The following ERBB4 variants were observed in gnomAD, a reference collection of about 807,000 sequenced individuals.
The protein encoded by ERBB4 is receptor tyrosine-protein kinase erbB-4.
Under a neutral mutation model 158.0 loss-of-function variants are expected in ERBB4, and 42 were observed. The ratio of observed to expected loss-of-function variants is 0.27; its 90% CI spans 0.21 to 0.34. ERBB4 has a LOEUF of 0.34. ERBB4 is among the 10% of genes least tolerant of loss of function. The pLI is 1.00. For missense variants in ERBB4, 1,333 were observed against 1,624.1 expected (o/e 0.82, Z 3.08); for synonymous variants, 583 against 558.7 (o/e 1.04, Z -0.61).
intron 3 of ERBB4, among the ~76,000 whole-genome samples, chr2:211,935,259 A>G (rs1173210982): frequency 6.6e-6 from 1 of 152,166 alleles, no homozygotes; most frequent in Non-Finnish European, 1.5e-5. Context: ...TGGATTAAGA[A>G]ATACCCGGAA....
Position 211,947,518 on chromosome 2 carries a change from A to G in ERBB4, c.333T>C (p.Tyr111=), listed in dbSNP as rs925867362. 1.2e-6 allele frequency: 2 copies of G among 1,613,754 alleles called. No homozygotes were observed. The highest frequency in any genetic ancestry group is 1.3e-5 in the African/African-American group (1 of 74,922). The change falls in exon 3 of 28, where the codon TAT becomes TAC. Residue 111 remains tyrosine (Y), a synonymous_variant. Coordinates refer to ENST00000342788, the MANE Select transcript of ERBB4 (RefSeq NM_005235.3). ...NLRIIRGTKL[Y]EDRYALAIFL... is the part of the protein sequence containing the mutation. The stretch of plus-strand genomic sequence containing the variant: ...ATATTGCCAAGGCATATCGATCCTC[A>G]TAAAGTTTTGTCCCACGAATAATGC...
intron 2 of ERBB4, among the ~76,000 whole-genome samples, chr2:212,104,459 A>T (rs1337075074): frequency 1.3e-5 from 2 of 152,172 alleles, no homozygotes; most frequent in Non-Finnish European, 2.9e-5. Context: ...GAAATTCACC[A>T]TATCTCTTCA....
Position 212,437,834 on chromosome 2 carries a change from C to A in ERBB4, c.82+100615G>T, listed in dbSNP as rs147991823. 2.0e-5 allele frequency among the ~76,000 whole-genome samples: 3 copies of A among 152,138 alleles called. No homozygotes were observed. In the South Asian group the frequency reaches 6.2e-4, roughly 32 times the overall value. On this transcript the variant is annotated intron_variant, in intron 1 of 27. Coordinates refer to ENST00000342788, the MANE Select transcript of ERBB4 (RefSeq NM_005235.3). ...ATGACTTCCTCTAATTAGAATACCT[C>A]ATCTTCCTTTTCATCTATCTTATTT...
chr2:212,239,052 CT>C (rs1178364515), intron 1 of ERBB4, among the ~76,000 whole-genome samples: 2 of 152,062 alleles, frequency 1.3e-5, no homozygotes, highest in Admixed American at 6.6e-5. Context: ...GATTTAATTT[CT>C]TTTTTAAAAT....
chr2:212,405,879 T>A (rs1426359795), intron 1 of ERBB4, among the ~76,000 whole-genome samples: 1 of 152,050 alleles, frequency 6.6e-6, no homozygotes, highest in Non-Finnish European at 1.5e-5. Flanking sequence ...CTGATGTAAA[T>A]CAACAGCACA....
chr2:212,006,817 C>A (rs542509159), intron 2 of ERBB4, among the ~76,000 whole-genome samples: 2 of 152,072 alleles, frequency 1.3e-5, no homozygotes, highest in Admixed American at 1.3e-4. Context: ...AAAAGAATTC[C>A]ATTGTCAATG....
chr2:211,620,038 TG>T (rs905829771), intron 18 of ERBB4, among the ~76,000 whole-genome samples: 29 of 152,156 alleles, frequency 1.9e-4, no homozygotes, highest in African/African-American at 7.0e-4. Flanking sequence ...TGGTAGAGTT[TG>T]AGTGAAATAC....
intron 2 of ERBB4, among the ~76,000 whole-genome samples, chr2:212,076,642 G>C (rs2125456865): frequency 6.6e-6 from 1 of 151,948 alleles, no homozygotes; most frequent in South Asian, 2.1e-4. Flanking sequence ...CTTTGCAAGA[G>C]GTATGCTAGT....
At chr2:211,473,210 G>A (rs751680032) in intron 20 of ERBB4, among the ~76,000 whole-genome samples, 1 of 151,962 alleles carries the variant, frequency 6.6e-6, no homozygotes, top group African/African-American at 2.4e-5. Context: ...TGAAGATAGA[G>A]GCAAAGATCA....
intron 2 of ERBB4, among the ~76,000 whole-genome samples, chr2:212,023,834 G>C (rs1180312808): frequency 6.6e-6 from 1 of 151,538 alleles, no homozygotes; most frequent in East Asian, 1.9e-4. Context: ...CGTACCTTTT[G>C]AACAATATCC....
chr2:211,946,619 G>A (rs7573516), intron 3 of ERBB4, among the ~76,000 whole-genome samples: 3 of 81,610 alleles, frequency 3.7e-5, no homozygotes, highest in African/African-American at 1.4e-4. Flanking sequence ...ATGGAGTTTC[G>A]CTGTTGTTGC....
rs577765053 is a variant in ERBB4, at chr2:212,111,125, G to A, written c.234+13627C>T. 3.3e-5 allele frequency among the ~76,000 whole-genome samples: 5 copies of A among 152,292 alleles called. No homozygotes were observed. The East Asian group carries it at 9.7e-4, about 29-fold the overall frequency. ...CTGTCCTTCCTTTGTCCCTGTTACTGCCTGGACGACACATCTGCCAAATGT... is the reference window on the plus strand; with the variant it reads ...CTGTCCTTCCTTTGTCCCTGTTACTACCTGGACGACACATCTGCCAAATGT... On this transcript the variant is annotated intron_variant, in intron 2 of 27. Transcript: ENST00000342788.
chr2:212,191,715 T>A (rs566658749), intron 1 of ERBB4, among the ~76,000 whole-genome samples: 1 of 148,574 alleles, frequency 6.7e-6, no homozygotes, highest in South Asian at 2.1e-4. Context: ...GTTATACATG[T>A]TACATATAAC....
At chr2:212,412,259 T>C (rs2091520569) in intron 1 of ERBB4, among the ~76,000 whole-genome samples, 1 of 152,210 alleles carries the variant, frequency 6.6e-6, no homozygotes, top group Admixed American at 6.5e-5. Flanking sequence ...ATGGTTTGGA[T>C]CTGTGTCCCC....
At chr2:211,476,927 AGT>A (rs1195850150) in intron 20 of ERBB4, among the ~76,000 whole-genome samples, 1 of 152,064 alleles carries the variant, frequency 6.6e-6, no homozygotes, top group Non-Finnish European at 1.5e-5. Flanking sequence ...AAGGAAAAAG[AGT>A]GCAGGGAGGG....
chr2:211,663,263 C>G lies in ERBB4; in HGVS notation c.1871+2060G>C, dbSNP rs6716524. Among the ~76,000 whole-genome samples, 275 of 152,138 alleles carry G rather than the reference C, an allele frequency of 1.8e-3. 1 individual carries two copies. Among genetic ancestry groups the G allele is most frequent in the African/African-American group, 6.1e-3 (255 of 41,512 alleles). ...TTTTTATGAAGTGAGTGAATCTGGA[C>G]AATATGAAGGTGTTTTAAAAACAGG... On this transcript the variant is annotated intron_variant, in intron 15 of 27. Coordinates refer to ENST00000342788, the MANE Select transcript of ERBB4 (RefSeq NM_005235.3).
At chr2:211,935,574 A>G (rs994931570) in intron 3 of ERBB4, among the ~76,000 whole-genome samples, 1 of 152,088 alleles carries the variant, frequency 6.6e-6, no homozygotes, top group African/African-American at 2.4e-5. Flanking sequence ...GTACACCATT[A>G]GCTTCTCTGG....
rs545402825 is a variant in ERBB4 at position 211,592,661 on chromosome 2, TA to T, written c.2301+26515del. ...AAGGGGAATCTCCCTGGATGAAGCA[TA>T]AAAAGAGGTCTTTAAGTAGTACAAG... On this transcript the variant is annotated intron_variant, in intron 19 of 27. Transcript: ENST00000342788. Among the ~76,000 whole-genome samples the T allele has an allele frequency of 4.1e-4, 62 of 152,100 alleles. No individual in the cohort carries two copies. The South Asian group carries it at 5.2e-3, about 13-fold the overall frequency.
intron 20 of ERBB4, among the ~76,000 whole-genome samples, chr2:211,462,744 A>C (rs1205392098): frequency 2.0e-5 from 3 of 152,178 alleles, no homozygotes; most frequent in African/African-American, 7.2e-5. Flanking sequence ...ATTTTGCAAC[A>C]AACTATTTAA....
Sources: allele counts gnomAD v4.1 joint callset (sites outside exome capture counted in the v4.1 genomes callset), GRCh38; gene constraint gnomAD v4.1.1; transcripts MANE v1.5; gene names NCBI Gene and HGNC (gene_info 2026-07-23, HGNC 2026-07-21).